The following TMCC1 variants were observed in gnomAD, a reference collection of about 807,000 sequenced individuals.
The protein encoded by TMCC1 is transmembrane and coiled-coil domains protein 1.
A neutral mutation model predicts 52.4 loss-of-function variants in TMCC1; 15 were observed. That is an observed-to-expected ratio of 0.29 (90% CI 0.19 to 0.44). TMCC1 has a LOEUF of 0.44. Among genes scored for constraint, TMCC1 ranks in the 20% least tolerant of loss-of-function variants. The pLI is 1.00. For synonymous variants in TMCC1, 279 were observed against 301.9 expected (o/e 0.92, Z 0.79); for missense variants, 503 against 806.0 (o/e 0.62, Z 4.55).
At chr3:129,654,915 T>C in intron 6 of TMCC1, 53 bp downstream of exon 6, 2 of 1,582,530 alleles carry the variant, frequency 1.3e-6, no homozygotes, top group South Asian at 1.2e-5. Flanking sequence ...GTTTTCCTTT[T>C]TTCTTTCTAA....
intron 4 of TMCC1, among the ~76,000 whole-genome samples, chr3:129,693,066 A>G (rs1289504073): frequency 6.6e-6 from 1 of 152,156 alleles, no homozygotes; most frequent in Non-Finnish European, 1.5e-5. Context: ...CTAGAAAGAC[A>G]AATCTTAAAA....
chr3:129,680,551 G>T (rs1269572636), intron 4 of TMCC1, among the ~76,000 whole-genome samples: 1 of 152,166 alleles, frequency 6.6e-6, no homozygotes, highest in South Asian at 2.1e-4. Flanking sequence ...CTTGTCATAA[G>T]TCATAACCAC....
chr3:129,759,529 A>C (rs1386651157), intron 4 of TMCC1, among the ~76,000 whole-genome samples: 1 of 150,226 alleles, frequency 6.7e-6, no homozygotes, highest in Non-Finnish European at 1.5e-5. Context: ...GAGCCTCCCC[A>C]AGTACTAGGA....
chr3:129,888,736 A>G (rs183130797), intron 1 of TMCC1, among the ~76,000 whole-genome samples: 6 of 152,346 alleles, frequency 3.9e-5, no homozygotes, highest in South Asian at 2.1e-4. Flanking sequence ...ACATAGTGAC[A>G]ATTTTCCAGA....
intron 2 of TMCC1, among the ~76,000 whole-genome samples, chr3:129,868,242 A>T (rs947680325): frequency 6.6e-6 from 1 of 152,242 alleles, no homozygotes; most frequent in African/African-American, 2.4e-5. Flanking sequence ...TAAAGAGATT[A>T]AGACCACCAA....
At position 129,763,303 on chromosome 3, in the gene TMCC1, GGAGCCGAAGGGGACGGATCACTT is replaced by G. The variant is rs572597109; in HGVS notation, c.576+64477_576+64499del. On this transcript the variant is annotated intron_variant, in intron 4 of 6. Transcript: ENST00000393238. ...CAGGCCAGTAATTCCTGTACTTTGG[GGAGCCGAAGGGGACGGATCACTT>G]GAGCTCAGGAGTTTGAGACCAGTCT... is the stretch of plus-strand genomic sequence containing the variant. Among the ~76,000 whole-genome samples the G allele has an allele frequency of 7.4e-4, 110 of 149,298 alleles. 2 individuals carry two copies. In the South Asian group the frequency reaches 0.022, roughly 30 times the overall value.
chr3:129,801,646 G>C (rs958811850), intron 4 of TMCC1, among the ~76,000 whole-genome samples: 3 of 152,110 alleles, frequency 2.0e-5, no homozygotes, highest in South Asian at 2.1e-4. Flanking sequence ...TTGTTGGCCA[G>C]GCTGGCCTCA....
At chr3:129,699,436 G>A (rs1157066693) in intron 4 of TMCC1, among the ~76,000 whole-genome samples, 1 of 152,200 alleles carries the variant, frequency 6.6e-6, no homozygotes, top group African/African-American at 2.4e-5. Context: ...GGAACCTTGA[G>A]TTCAGGGAAT....
intron 2 of TMCC1, among the ~76,000 whole-genome samples, chr3:129,875,226 C>T (rs1203822194): frequency 6.6e-6 from 1 of 151,712 alleles, no homozygotes; most frequent in Non-Finnish European, 1.5e-5. Context: ...CGGTGGCTCA[C>T]ACCTGTAATC....
At chr3:129,838,607 G>A (rs2059273504) in intron 2 of TMCC1, among the ~76,000 whole-genome samples, 1 of 151,546 alleles carries the variant, frequency 6.6e-6, no homozygotes, top group Non-Finnish European at 1.5e-5. Context: ...ACAAAAATTA[G>A]CCAGGTGTGG....
intron 4 of TMCC1, among the ~76,000 whole-genome samples, chr3:129,811,005 T>G (rs1352599173): frequency 6.6e-6 from 1 of 152,220 alleles, no homozygotes; most frequent in African/African-American, 2.4e-5. Context: ...TATTTAAATG[T>G]GCATTTGCAC....
Position 129,650,958 on chromosome 3 carries a change from C to CAG in TMCC1, c.*521_*522dup, listed in dbSNP as rs1560109041. 1 of 155,712 alleles carries CAG rather than the reference C, an allele frequency of 6.4e-6. No individual in the cohort carries two copies. Among genetic ancestry groups the CAG allele is most frequent in the Non-Finnish European group, 1.4e-5 (1 of 69,888 alleles). 9.6% of individuals were successfully genotyped at this position (155,712 alleles called of 1,614,324 possible). On this transcript the variant is annotated 3_prime_UTR_variant, in exon 7 of 7. Coordinates refer to ENST00000393238, the MANE Select transcript of TMCC1 (RefSeq NM_001017395.5). ...AAGTGGCCAACTTGGGTGAGAAAGC[C>CAG]AGAGAGATCCATGTGTTCTTCCACG...
chr3:129,727,750 C>T (rs543671789), intron 4 of TMCC1, among the ~76,000 whole-genome samples: 48 of 152,292 alleles, frequency 3.2e-4, no homozygotes, highest in African/African-American at 1.1e-3. Context: ...ATGAGCCAGC[C>T]CTCTTGGTAC....
At chr3:129,683,502 C>CA (rs2089174610) in intron 4 of TMCC1, among the ~76,000 whole-genome samples, 1 of 152,202 alleles carries the variant, frequency 6.6e-6, no homozygotes, top group Non-Finnish European at 1.5e-5. Context: ...TGATCTTTGA[C>CA]AGACTGTAGT....
chr3:129,680,374 A>G (rs544265560), intron 4 of TMCC1, among the ~76,000 whole-genome samples: 6 of 152,202 alleles, frequency 3.9e-5, no homozygotes, highest in Admixed American at 6.5e-5. Context: ...TTAATCCTCA[A>G]AACAAACCTA....
At chr3:129,855,599 T>A (rs2060116313) in intron 2 of TMCC1, among the ~76,000 whole-genome samples, 1 of 152,158 alleles carries the variant, frequency 6.6e-6, no homozygotes, top group African/African-American at 2.4e-5. Context: ...CCCCATGAAT[T>A]CTGGCAAGGT....
At chr3:129,875,509 A>C (rs1281768737) in intron 2 of TMCC1, among the ~76,000 whole-genome samples, 4 of 150,482 alleles carry the variant, frequency 2.7e-5, no homozygotes, top group African/African-American at 7.3e-5. Context: ...AAAAAAAAAA[A>C]AAAAAAACAA....
chr3:129,695,422 T>C (rs936186874), intron 4 of TMCC1, among the ~76,000 whole-genome samples: 4 of 152,172 alleles, frequency 2.6e-5, no homozygotes, highest in Non-Finnish European at 5.9e-5. Context: ...TACCGAAGAC[T>C]GGGTAATTTA....
chr3:129,846,641 G>C (rs1302049984), intron 2 of TMCC1, among the ~76,000 whole-genome samples: 3 of 151,960 alleles, frequency 2.0e-5, no homozygotes, highest in Non-Finnish European at 1.5e-5. Flanking sequence ...TGACCTCCTG[G>C]TTTTATAACA....
Sources: gnomAD v4.1 joint callset for allele counts (sites outside exome capture counted in the v4.1 genomes callset) on GRCh38, gnomAD v4.1.1 for gene constraint, MANE v1.5 for transcripts, NCBI Gene and HGNC (gene_info 2026-07-23, HGNC 2026-07-21) for gene names.